Variants in STK4 observed in about 807,000 individuals in gnomAD.
The protein encoded by STK4 is serine/threonine-protein kinase 4.
STK4 carries 30 observed loss-of-function variants against 64.9 expected under a neutral mutation model. That is an observed-to-expected ratio of 0.46 (90% confidence interval 0.35 to 0.63). The LOEUF (loss-of-function observed/expected upper bound fraction) is 0.63, where lower values mean the gene tolerates loss of function less well. Among genes scored for constraint, STK4 ranks in the 20% least tolerant of loss-of-function variants. The probability of loss-of-function intolerance (pLI) is 0.01; values close to 1 mark genes in which losing one functional copy is unlikely to be tolerated. For synonymous variants in STK4, 177 were observed against 199.0 expected, an observed-to-expected ratio of 0.89 and a Z score of 0.93; for missense variants, 466 against 598.5, an observed-to-expected ratio of 0.78 and a Z score of 2.31.
chr20:45,034,668 T>C (rs1225784611), intron 10 of STK4, among the ~76,000 whole-genome samples: 1 of 151,814 alleles, frequency 6.6e-6, no homozygotes, highest in South Asian at 2.1e-4. Flanking sequence ...TCCCAGCACT[T>C]TGGGAGGTTA....
chr20:45,025,003 C>T lies in STK4; in HGVS notation c.1178C>T (p.Pro393Leu). Residue 393 changes from proline (P) to leucine (L), a missense_variant, in exon 10 of 11, where the codon CCA becomes CTA. By Grantham distance (98) the Pro-to-Leu change is moderately conservative. Coordinates refer to ENST00000372806, the MANE Select transcript of STK4 (RefSeq NM_006282.5). ...RRDETMQPAKPSFLEYFEQKE... is the reference protein window; with the variant it reads ...RRDETMQPAKLSFLEYFEQKE... Reference sequence around the variant, plus strand: ...GATGAGACCATGCAGCCTGCGAAACCATCCTTTCTTGAATATTTTGAACAA... The same window carrying T: ...GATGAGACCATGCAGCCTGCGAAACTATCCTTTCTTGAATATTTTGAACAA... 1 of 1,611,630 alleles carries T rather than the reference C, an allele frequency of 6.2e-7. No individual in the cohort carries two copies. Among genetic ancestry groups the T allele is most frequent in the South Asian group, 1.1e-5 (1 of 90,748 alleles).
At chr20:45,001,588 C>G (rs2067842978) in intron 9 of STK4, among the ~76,000 whole-genome samples, 1 of 152,138 alleles carries the variant, frequency 6.6e-6, no homozygotes, top group Non-Finnish European at 1.5e-5. Flanking sequence ...GCTTTTGAAC[C>G]AGAGCAGCCA....
At chr20:45,049,225 C>T (rs1460769810) in intron 10 of STK4, among the ~76,000 whole-genome samples, 1 of 152,088 alleles carries the variant, frequency 6.6e-6, no homozygotes, top group East Asian at 1.9e-4. Context: ...ACTTTATAGA[C>T]CCACTAGTCA....
chr20:44,998,640 A>G (rs1483512942), intron 7 of STK4, among the ~76,000 whole-genome samples: 2 of 152,198 alleles, frequency 1.3e-5, no homozygotes, highest in African/African-American at 4.8e-5. Context: ...TGTGATGGAG[A>G]AAAATAAAGA....
At chr20:45,040,408 G>T (rs543098156) in intron 10 of STK4, among the ~76,000 whole-genome samples, 15 of 151,898 alleles carry the variant, frequency 9.9e-5, no homozygotes, top group Admixed American at 9.8e-4. Context: ...TCATAAATTC[G>T]TGGATTTAAA....
chr20:45,006,079 G>T (rs1412511060), intron 9 of STK4, among the ~76,000 whole-genome samples: 1 of 149,716 alleles, frequency 6.7e-6, no homozygotes. Flanking sequence ...TCTCTATGTT[G>T]GATTTTTTTT....
At position 45,076,616 on chromosome 20, in the gene STK4, G is replaced by A. The variant is rs1193074964; in HGVS notation, c.*1440G>A. On this transcript the variant is annotated 3_prime_UTR_variant, in exon 11 of 11. Transcript: ENST00000372806. The surrounding 1 kb of genome is among the most constrained non-coding windows in gnomAD (Gnocchi z 4.0). ...TCCACAACATCTACCAGATATAGCA[G>A]ACAAGCACCCATGGAGGCAGGTTTC... 6.6e-6 allele frequency: 1 copy of A among 152,252 alleles called. No individual in the cohort carries two copies. The highest frequency in any genetic ancestry group is 2.4e-5 in the African/African-American group (1 of 41,434). The allele number at this position is 152,252 out of a possible 1,614,324, so 9.4% of individuals were successfully genotyped here. A position where few individuals can be genotyped will look rare whatever the true frequency, so the allele number is the denominator to read the frequency against.
intron 1 of STK4, among the ~76,000 whole-genome samples, chr20:44,968,129 C>A: frequency 6.6e-6 from 1 of 151,028 alleles, no homozygotes; most frequent in African/African-American, 2.4e-5. Context: ...GGGTCTGGTC[C>A]AAAGTCCATG....
intron 1 of STK4, among the ~76,000 whole-genome samples, chr20:44,968,792 G>T (rs1043588957): frequency 6.6e-6 from 1 of 152,214 alleles, no homozygotes; most frequent in Non-Finnish European, 1.5e-5. Flanking sequence ...TTCTGAAGTG[G>T]CTGGTGATTC....
At chr20:45,073,716 T>G (rs1311508295) in intron 10 of STK4, among the ~76,000 whole-genome samples, 3 of 152,182 alleles carry the variant, frequency 2.0e-5, no homozygotes, top group African/African-American at 7.2e-5. Context: ...TTGGCCAGGC[T>G]TGGAATCACT....
intron 10 of STK4, among the ~76,000 whole-genome samples, chr20:45,073,965 G>T: frequency 6.6e-6 from 1 of 152,220 alleles, no homozygotes; most frequent in Middle Eastern, 3.2e-3. Context: ...GGAGAGATTG[G>T]TAACTTGACA....
intron 10 of STK4, among the ~76,000 whole-genome samples, chr20:45,048,130 G>A (rs2068724196): frequency 6.6e-6 from 1 of 152,198 alleles, no homozygotes; most frequent in South Asian, 2.1e-4. Context: ...ACGCCAACAT[G>A]AGCATAGAAG....
intron 10 of STK4, among the ~76,000 whole-genome samples, chr20:45,049,067 C>T (rs1356975687): frequency 6.6e-6 from 1 of 151,702 alleles, no homozygotes; most frequent in Non-Finnish European, 1.5e-5. Flanking sequence ...AATGTATGTG[C>T]GTATGTATGA....
chr20:44,988,268 G>A (rs1305577476), intron 5 of STK4, among the ~76,000 whole-genome samples: 5 of 151,534 alleles, frequency 3.3e-5, no homozygotes, highest in South Asian at 4.2e-4. Context: ...TAATCCCAGC[G>A]CTTTGGGAGG....
intron 3 of STK4, among the ~76,000 whole-genome samples, chr20:44,979,488 G>A (rs939877632): frequency 6.6e-6 from 1 of 152,176 alleles, no homozygotes; most frequent in South Asian, 2.1e-4. Flanking sequence ...ACATGGGTTG[G>A]TCACTGATAG....
intron 10 of STK4, among the ~76,000 whole-genome samples, chr20:45,038,404 C>T (rs181092733): frequency 6.6e-6 from 1 of 152,058 alleles, no homozygotes; most frequent in East Asian, 1.9e-4. Flanking sequence ...ACTGTTTAGT[C>T]TCCTGGATTT....
intron 10 of STK4, among the ~76,000 whole-genome samples, chr20:45,030,834 C>A (rs1024877476): frequency 6.6e-6 from 1 of 152,158 alleles, no homozygotes; most frequent in Non-Finnish European, 1.5e-5. Context: ...CATAAAGCCA[C>A]AAACAGCTGT....
At position 45,061,595 on chromosome 20, in the gene STK4, A is replaced by ATTT. The variant is rs1374245948; in HGVS notation, c.1306-13423_1306-13422insTTT. Among the ~76,000 whole-genome samples, 500 of 111,582 alleles carry ATTT rather than the reference A, an allele frequency of 4.5e-3. 5 individuals carry two copies. The highest frequency in any genetic ancestry group is 0.011 in the Middle Eastern group (2 of 190). The allele number at this position is 111,582 out of a possible 152,430, so 73.2% of individuals were successfully genotyped here. Reference sequence around the variant, plus strand: ...CCCTTTTGTTTTATTTTAGTATGGAAATTTTTTTTTTTTTTTTTACTTTTA... The same window carrying ATTT: ...CCCTTTTGTTTTATTTTAGTATGGAATTTATTTTTTTTTTTTTTTTTACTTTTA... On this transcript the variant is annotated intron_variant, in intron 10 of 10. Coordinates refer to ENST00000372806, the MANE Select transcript of STK4 (RefSeq NM_006282.5).
At position 44,997,180 on chromosome 20, in the gene STK4, GATTCCTA is replaced by G; in HGVS notation, c.706_712del (p.Ile236GlnfsTer21). 6.2e-7 allele frequency: 1 copy of G among 1,613,828 alleles called. No individual in the cohort carries two copies. Among genetic ancestry groups the G allele is most frequent in the Non-Finnish European group, 8.5e-7 (1 of 1,179,822 alleles). On this transcript the variant is annotated frameshift_variant, in exon 7 of 11. Coordinates refer to ENST00000372806, the MANE Select transcript of STK4 (RefSeq NM_006282.5). LOFTEE classifies it high-confidence loss of function. ...TTTGTTCTAACCAGGCAATCTTCAT[GATTCCTA>G]CAAATCCTCCTCCCACATTCCGAAA...
Sources: allele counts gnomAD v4.1 joint callset (sites outside exome capture counted in the v4.1 genomes callset), GRCh38; gene constraint gnomAD v4.1.1; non-coding constraint Gnocchi (gnomAD v3.1); transcripts MANE v1.5; gene names NCBI Gene and HGNC (gene_info 2026-07-23, HGNC 2026-07-21).